The following TRRAP variants were observed in gnomAD, a reference collection of about 807,000 sequenced individuals.
TRRAP encodes the protein transformation/transcription domain-associated protein.
Under a neutral mutation model 438.8 loss-of-function variants are expected in TRRAP, and 41 were observed. That is an observed-to-expected ratio of 0.09 (90% CI 0.07 to 0.12). The LOEUF (loss-of-function observed/expected upper bound fraction) is 0.12, where lower values mean the gene tolerates loss of function less well. Among genes scored for constraint, TRRAP ranks in the 10% least tolerant of loss-of-function variants. TRRAP has a pLI of 1.00. For missense variants in TRRAP, 3,122 were observed against 5,055.1 expected (o/e 0.62, Z 11.60); for synonymous variants, 1,994 against 1,962.9 (o/e 1.02, Z -0.42).
At position 98,948,556 on chromosome 7, in the gene TRRAP, T is replaced by C. The variant is rs1791189631; in HGVS notation, c.4669-10T>C. 6.2e-7 allele frequency: 1 copy of C among 1,614,068 alleles called. No individual in the cohort carries two copies. Among genetic ancestry groups the C allele is most frequent in the Non-Finnish European group, 8.5e-7 (1 of 1,180,008 alleles). ...AGTTGTGAGATGCAGCATTCCCACA[T>C]GTTTTGCAGGCGGGGAGTCCATTCC... On this transcript the variant is annotated splice_polypyrimidine_tract_variant and intron_variant, in intron 34 of 72. Coordinates refer to ENST00000456197, the MANE Select transcript of TRRAP (RefSeq NM_001375524.1). The surrounding 1 kb of genome is among the most constrained non-coding windows in gnomAD (Gnocchi z 4.9).
chr7:98,892,591 A>T (rs954627059), intron 5 of TRRAP, 63 bp downstream of exon 5: 22 of 1,370,558 alleles, frequency 1.6e-5, no homozygotes, highest in Non-Finnish European at 2.2e-5. Flanking sequence ...GATTTTTCTT[A>T]TGGTAAATTT....
intron 20 of TRRAP, among the ~76,000 whole-genome samples, chr7:98,918,916 C>T (rs1789657427): frequency 6.7e-6 from 1 of 148,672 alleles, no homozygotes; most frequent in Admixed American, 6.8e-5. Context: ...ATTAGCCAGG[C>T]ATGGTAGCAA....
chr7:98,892,605 C>T (rs1269279574), intron 5 of TRRAP, 77 bp downstream of exon 5: 2 of 1,219,376 alleles, frequency 1.6e-6, no homozygotes, highest in African/African-American at 3.1e-5. Flanking sequence ...TAAATTTCAG[C>T]ATTATACAAC....
intron 30 of TRRAP, among the ~76,000 whole-genome samples, chr7:98,941,210 C>G (rs1399551498): frequency 6.6e-6 from 1 of 152,188 alleles, no homozygotes; most frequent in Non-Finnish European, 1.5e-5. Context: ...GGGCCTTGCT[C>G]TGTGTCCCAG....
At chr7:98,902,966 A>G (rs1446077939) in intron 11 of TRRAP, among the ~76,000 whole-genome samples, 1 of 151,254 alleles carries the variant, frequency 6.6e-6, no homozygotes, top group African/African-American at 2.4e-5. Flanking sequence ...AGTCCCAGCT[A>G]CTGAGGTGGG....
At chr7:98,931,111 C>A (rs1790303472) in intron 25 of TRRAP, among the ~76,000 whole-genome samples, 2 of 152,178 alleles carry the variant, frequency 1.3e-5, no homozygotes, top group Non-Finnish European at 2.9e-5. Flanking sequence ...TGTGCTGTTT[C>A]CGGAGGAGCT....
intron 59 of TRRAP, among the ~76,000 whole-genome samples, chr7:98,982,241 C>T (rs2116757381): frequency 6.6e-6 from 1 of 152,320 alleles, no homozygotes; most frequent in East Asian, 1.9e-4. Flanking sequence ...GTGCCACCCT[C>T]AGTTACAGAG....
At position 99,012,651 on chromosome 7, in the gene TRRAP, G is replaced by C. The variant is rs530312494; in HGVS notation, c.*296G>C. The C allele has an allele frequency of 2.3e-6, 1 of 430,826 alleles. No individual in the cohort carries two copies. Among genetic ancestry groups the C allele is most frequent in the Non-Finnish European group, 4.2e-6 (1 of 240,792 alleles). The allele number at this position is 430,826 out of a possible 1,614,324, so 26.7% of individuals were successfully genotyped here. A position where few individuals can be genotyped will look rare whatever the true frequency, so the allele number is the denominator to read the frequency against. On this transcript the variant is annotated 3_prime_UTR_variant, in exon 73 of 73. Coordinates refer to ENST00000456197, the MANE Select transcript of TRRAP (RefSeq NM_001375524.1). The surrounding 1 kb of genome is among the most constrained non-coding windows in gnomAD (Gnocchi z 5.9). ...TCTCCGGTCTGGAATTTCTGAGTGA[G>C]TCCTTTTTTTATGGTGTCCTCCCTC...
At chr7:98,982,034 C>G (rs928352803) in intron 59 of TRRAP, 74 bp downstream of exon 59, 11 of 1,388,524 alleles carry the variant, frequency 7.9e-6, no homozygotes, top group Non-Finnish European at 9.4e-6. Flanking sequence ...AGGCTTAGGT[C>G]TGCAGACTGC....
intron 4 of TRRAP, 138 bp from the exon 5 acceptor site, chr7:98,892,284 CTG>C: frequency 1.4e-6 from 1 of 690,246 alleles, no homozygotes; most frequent in Non-Finnish European, 2.5e-6. Flanking sequence ...GCTTGAAAAA[CTG>C]GGTCCATTTT....
At position 98,945,815 on chromosome 7, in the gene TRRAP, T is replaced by C; in HGVS notation, c.4527+15T>C. ...GTCAGTTTGAGGTGAGAACAACCTATTAACAGTCAGTTTCTGACTTGCAAT... is the reference window on the plus strand; with the variant it reads ...GTCAGTTTGAGGTGAGAACAACCTACTAACAGTCAGTTTCTGACTTGCAAT... On this transcript the variant is annotated intron_variant, in intron 32 of 72. Transcript: ENST00000456197. The C allele has an allele frequency of 1.3e-6, 2 of 1,597,438 alleles. No individual in the cohort carries two copies. Among genetic ancestry groups the C allele is most frequent in the African/African-American group, 2.7e-5 (2 of 75,012 alleles).
chr7:98,997,609 C>T (rs1486873096), intron 67 of TRRAP, among the ~76,000 whole-genome samples: 1 of 150,124 alleles, frequency 6.7e-6, no homozygotes, highest in African/African-American at 2.5e-5. Flanking sequence ...TAGACAGGCT[C>T]AAAATGCAGA....
intron 14 of TRRAP, 87 bp downstream of exon 14, chr7:98,909,049 A>G: frequency 8.5e-7 from 1 of 1,174,194 alleles, no homozygotes. Flanking sequence ...TTTGAGACAG[A>G]TCCTTGTTCT....
intron 31 of TRRAP, among the ~76,000 whole-genome samples, chr7:98,943,773 A>T (rs190922164): frequency 9.8e-5 from 15 of 152,344 alleles, no homozygotes; most frequent in African/African-American, 3.4e-4. Context: ...TGCCTTTTCC[A>T]TGAGTTTCAT....
In TRRAP at chr7:98,955,151, A is replaced by G; in HGVS notation, c.5784A>G (p.Arg1928=). ...CAATGGAAGCTCGAGCGATCGTCAG[A>G]CAGGCGATGGCCATTCTGACCCCGG... is the stretch of plus-strand genomic sequence containing the variant. ...AHAMEARAIV[R]QAMAILTPAV... Residue 1928 remains arginine (R), a synonymous_variant, in exon 41 of 73, where the codon AGA becomes AGG. Coordinates refer to ENST00000456197, the MANE Select transcript of TRRAP (RefSeq NM_001375524.1). 6.2e-7 allele frequency: 1 copy of G among 1,614,220 alleles called. No homozygotes were observed. Among genetic ancestry groups the G allele is most frequent in the Non-Finnish European group, 8.5e-7 (1 of 1,180,040 alleles).
At chr7:98,886,123 C>A (rs986478496) in intron 3 of TRRAP, among the ~76,000 whole-genome samples, 1 of 152,066 alleles carries the variant, frequency 6.6e-6, no homozygotes, top group East Asian at 1.9e-4. Flanking sequence ...TGTCTCTACT[C>A]CAAATACAAA....
chr7:98,978,883 C>T lies in TRRAP; in HGVS notation c.8613C>T (p.Ala2871=). ...ECAWRVSNWT[A]MKEALVQVEV... is the part of the protein sequence containing the mutation. Reference sequence around the variant, plus strand: ...CCTGGCGGGTGTCCAACTGGACTGCCATGAAGGAGGCGCTGGTGCAGGTGA... The same window carrying T: ...CCTGGCGGGTGTCCAACTGGACTGCTATGAAGGAGGCGCTGGTGCAGGTGA... Residue 2871 remains alanine, a synonymous_variant, in exon 58 of 73, where the codon GCC becomes GCT. Transcript: ENST00000456197. The T allele has an allele frequency of 6.2e-7, 1 of 1,614,142 alleles. No homozygotes were observed. The highest frequency in any genetic ancestry group is 1.1e-5 in the South Asian group (1 of 91,090).
chr7:98,920,465 G>C (rs1435794744), intron 20 of TRRAP, among the ~76,000 whole-genome samples: 1 of 148,788 alleles, frequency 6.7e-6, no homozygotes, highest in Non-Finnish European at 1.5e-5. Context: ...GCGAGACTCC[G>C]TCTCCAAAAA....
At chr7:98,904,575 T>C (rs967919503) in intron 12 of TRRAP, among the ~76,000 whole-genome samples, 6 of 151,090 alleles carry the variant, frequency 4.0e-5, no homozygotes, top group Non-Finnish European at 1.5e-5. Context: ...TCTGAAGGCA[T>C]AAAGCTTGGT....
Sources: gnomAD v4.1 joint callset for allele counts (sites outside exome capture counted in the v4.1 genomes callset) on GRCh38, gnomAD v4.1.1 for gene constraint, Gnocchi (gnomAD v3.1) non-coding constraint, MANE v1.5 for transcripts, NCBI Gene and HGNC (gene_info 2026-07-23, HGNC 2026-07-21) for gene names.